Variants in ERC2 observed in about 807,000 individuals in gnomAD.
The protein encoded by ERC2 is ERC protein 2.
A neutral mutation model predicts 114.8 loss-of-function variants in ERC2; 42 were observed. The ratio of observed to expected loss-of-function variants is 0.37; its 90% CI spans 0.29 to 0.47. The LOEUF is 0.47. Ranked by LOEUF, ERC2 falls within the 20% of genes least tolerant of loss-of-function variation. ERC2 has a pLI of 0.99. For missense variants in ERC2, 939 were observed against 1,150.7 expected, an observed-to-expected ratio of 0.82 and a Z score of 2.66; for synonymous variants, 454 against 425.5, an observed-to-expected ratio of 1.07 and a Z score of -0.82.
chr3:55,856,367 C>T (rs2061783462), intron 14 of ERC2, among the ~76,000 whole-genome samples: 1 of 152,194 alleles, frequency 6.6e-6, no homozygotes, highest in Non-Finnish European at 1.5e-5. Flanking sequence ...AATTTTGTGA[C>T]TCGTCCAATG....
chr3:56,379,183 T>C (rs1432739758), intron 2 of ERC2, among the ~76,000 whole-genome samples: 1 of 152,182 alleles, frequency 6.6e-6, no homozygotes, highest in Non-Finnish European at 1.5e-5. Flanking sequence ...AGGTGGCTAC[T>C]GAGTATTGAG....
At chr3:55,596,203 C>T (rs114961962) in intron 17 of ERC2, among the ~76,000 whole-genome samples, 1 of 152,242 alleles carries the variant, frequency 6.6e-6, no homozygotes, top group African/African-American at 2.4e-5. Flanking sequence ...AACAAAAGAA[C>T]CATAATAAGA....
intron 17 of ERC2, among the ~76,000 whole-genome samples, chr3:55,526,766 G>T (rs1175498293): frequency 1.3e-5 from 2 of 152,194 alleles, no homozygotes; most frequent in African/African-American, 2.4e-5. Context: ...CCGGGCCAGG[G>T]TCTTCACGGG....
At chr3:56,054,982 G>A (rs1043289929) in intron 7 of ERC2, among the ~76,000 whole-genome samples, 2 of 152,208 alleles carry the variant, frequency 1.3e-5, no homozygotes, top group African/African-American at 2.4e-5. Context: ...GCAGTGCGAT[G>A]TAATTCAATA....
intron 6 of ERC2, among the ~76,000 whole-genome samples, chr3:56,132,738 A>C (rs927748668): frequency 6.6e-6 from 1 of 152,356 alleles, no homozygotes; most frequent in South Asian, 2.1e-4. Flanking sequence ...GAGAGAACAA[A>C]GTCATACACA....
At chr3:55,558,337 C>T (rs775393853) in intron 17 of ERC2, among the ~76,000 whole-genome samples, 4 of 152,084 alleles carry the variant, frequency 2.6e-5, no homozygotes, top group South Asian at 2.1e-4. Context: ...ATAAAAGAAC[C>T]CAGAGTGGGG....
chr3:56,117,593 A>C (rs2079310246), intron 6 of ERC2, among the ~76,000 whole-genome samples: 1 of 152,118 alleles, frequency 6.6e-6, no homozygotes, highest in Non-Finnish European at 1.5e-5. Context: ...GGATAAGAGG[A>C]CTCCCTCAAG....
chr3:56,143,721 T>C (rs1294214982), intron 5 of ERC2, among the ~76,000 whole-genome samples: 1 of 152,196 alleles, frequency 6.6e-6, no homozygotes, highest in African/African-American at 2.4e-5. Context: ...GCTCTACTTA[T>C]CACACAGGCT....
At chr3:55,796,504 C>T (rs894553465) in intron 14 of ERC2, among the ~76,000 whole-genome samples, 169 of 152,180 alleles carry the variant, frequency 1.1e-3, no homozygotes, top group Non-Finnish European at 2.9e-4. Context: ...TGGCTCACTG[C>T]AACCTCTGCC....
At chr3:56,113,274 T>C in intron 6 of ERC2, among the ~76,000 whole-genome samples, 1 of 152,194 alleles carries the variant, frequency 6.6e-6, no homozygotes, top group South Asian at 2.1e-4. Flanking sequence ...CTGGAACATA[T>C]TACTCTCTAA....
chr3:56,154,360 T>C lies in ERC2; in HGVS notation c.1150-5228A>G, dbSNP rs183972314. On this transcript the variant is annotated intron_variant, in intron 4 of 17. Coordinates refer to ENST00000288221, the MANE Select transcript of ERC2 (RefSeq NM_015576.3). The stretch of plus-strand genomic sequence containing the variant: ...GAATTAGATGGTATCTAATTCTTTA[T>C]GGCAAAATGTACAAGCACAGAAAAG... Among the ~76,000 whole-genome samples, 11 of 152,330 alleles carry C rather than the reference T, an allele frequency of 7.2e-5. No individual in the cohort carries two copies. In the East Asian group the frequency reaches 1.7e-3, roughly 24 times the overall value.
At chr3:56,132,437 G>A (rs73078469) in intron 6 of ERC2, among the ~76,000 whole-genome samples, 4,602 of 152,122 alleles carry the variant, frequency 0.03, 148 homozygotes, top group African/African-American at 0.077. Flanking sequence ...ATGCTGCCAC[G>A]GGCTCAGAAA....
At chr3:56,278,228 A>C (rs2054132158) in intron 3 of ERC2, among the ~76,000 whole-genome samples, 1 of 152,216 alleles carries the variant, frequency 6.6e-6, no homozygotes, top group South Asian at 2.1e-4. Context: ...AACAGTATTC[A>C]ATAAAATGAC....
intron 3 of ERC2, among the ~76,000 whole-genome samples, chr3:56,218,674 T>C (rs530963899): frequency 6.6e-6 from 1 of 152,328 alleles, no homozygotes; most frequent in East Asian, 1.9e-4. Context: ...CATGCTGCTA[T>C]AAAGACACAT....
chr3:55,866,213 T>C (rs1261994750), intron 14 of ERC2, among the ~76,000 whole-genome samples: 1 of 152,200 alleles, frequency 6.6e-6, no homozygotes, highest in Non-Finnish European at 1.5e-5. Context: ...CTAATAACTT[T>C]AAGCATCTTT....
chr3:56,459,402 C>A (rs143742548), intron 1 of ERC2, among the ~76,000 whole-genome samples: 2 of 152,306 alleles, frequency 1.3e-5, no homozygotes, highest in Admixed American at 1.3e-4. Context: ...TAGTTTGCTC[C>A]TAATGCATTT....
intron 6 of ERC2, among the ~76,000 whole-genome samples, chr3:56,130,695 T>C (rs893985159): frequency 6.6e-5 from 10 of 152,170 alleles, no homozygotes; most frequent in African/African-American, 2.4e-4. Flanking sequence ...ATGACAAACT[T>C]GGGATGCTCC....
At chr3:56,009,594 A>G (rs1421483145) in intron 9 of ERC2, among the ~76,000 whole-genome samples, 1 of 152,194 alleles carries the variant, frequency 6.6e-6, no homozygotes, top group African/African-American at 2.4e-5. Flanking sequence ...TAACAGCTCT[A>G]AAGAAGATGG....
At chr3:55,849,006 T>A (rs1369490289) in intron 14 of ERC2, among the ~76,000 whole-genome samples, 1 of 152,014 alleles carries the variant, frequency 6.6e-6, no homozygotes, top group Non-Finnish European at 1.5e-5. Context: ...CACTTAAATA[T>A]TTTTTTTCAA....
Sources: allele counts gnomAD v4.1 joint callset (sites outside exome capture counted in the v4.1 genomes callset), GRCh38; gene constraint gnomAD v4.1.1; transcripts MANE v1.5; gene names NCBI Gene and HGNC (gene_info 2026-07-23, HGNC 2026-07-21).